The following LRRTM4 variants were observed in gnomAD, a reference collection of about 807,000 sequenced individuals.
LRRTM4 encodes the protein leucine rich repeat transmembrane neuronal 4.
In LRRTM4, 25 loss-of-function variants were observed where a neutral mutation model predicts 47.6. The observed-to-expected ratio is 0.53, with a 90% CI of 0.38 to 0.73. The LOEUF is 0.73. Among genes scored for constraint, LRRTM4 ranks in the 30% least tolerant of loss-of-function variants. The probability of loss-of-function intolerance (pLI) is 0.00; values close to 1 mark genes in which losing one functional copy is unlikely to be tolerated. For synonymous variants in LRRTM4, 311 were observed against 269.5 expected, an observed-to-expected ratio of 1.15 and a Z score of -1.51; for missense variants, 638 against 713.4, an observed-to-expected ratio of 0.89 and a Z score of 1.20.
chr2:77,449,692 G>A (rs949902177), intron 3 of LRRTM4, among the ~76,000 whole-genome samples: 2 of 152,164 alleles, frequency 1.3e-5, no homozygotes, highest in East Asian at 1.9e-4. Flanking sequence ...GTAGCCACTC[G>A]CAGCAACTGT....
intron 3 of LRRTM4, among the ~76,000 whole-genome samples, chr2:76,935,271 G>A (rs1472232160): frequency 6.6e-6 from 1 of 152,158 alleles, no homozygotes; most frequent in Non-Finnish European, 1.5e-5. Context: ...AGTATAGTGT[G>A]AAGTCAGGTA....
At chr2:77,312,669 CAA>C (rs1207673391) in intron 3 of LRRTM4, among the ~76,000 whole-genome samples, 4 of 152,076 alleles carry the variant, frequency 2.6e-5, no homozygotes, top group Admixed American at 1.3e-4. Flanking sequence ...CTTCCATTTT[CAA>C]ATCATGGCTT....
chr2:77,208,978 A>G (rs72809108), intron 3 of LRRTM4, among the ~76,000 whole-genome samples: 30,168 of 151,972 alleles, frequency 0.2, 5,761 homozygotes, highest in African/African-American at 0.49. Context: ...CTTACAATTA[A>G]TTTTACCAGG....
intron 3 of LRRTM4, among the ~76,000 whole-genome samples, chr2:77,165,397 G>A (rs1247080587): frequency 6.6e-6 from 1 of 152,124 alleles, no homozygotes; most frequent in African/African-American, 2.4e-5. Context: ...AGAGGAGCTG[G>A]TGCCACTCCT....
intron 3 of LRRTM4, among the ~76,000 whole-genome samples, chr2:76,809,257 T>G (rs1670655366): frequency 6.6e-6 from 1 of 152,194 alleles, no homozygotes; most frequent in African/African-American, 2.4e-5. Context: ...ACATTTTGTG[T>G]TGTAAGCTTT....
chr2:76,807,696 A>G (rs1176814240), intron 3 of LRRTM4, among the ~76,000 whole-genome samples: 3 of 149,790 alleles, frequency 2.0e-5, no homozygotes, highest in African/African-American at 7.4e-5. Flanking sequence ...GGTTCAAGAG[A>G]TTCTTCTGCC....
intron 3 of LRRTM4, among the ~76,000 whole-genome samples, chr2:76,830,263 A>G (rs1367644721): frequency 1.3e-5 from 2 of 152,166 alleles, no homozygotes; most frequent in African/African-American, 2.4e-5. Context: ...ATAAAACTAT[A>G]AAATCTTATC....
chr2:77,487,647 C>G (rs1388202582), intron 3 of LRRTM4, among the ~76,000 whole-genome samples: 1 of 152,004 alleles, frequency 6.6e-6, no homozygotes, highest in Admixed American at 6.6e-5. Context: ...CAGTGAAGCC[C>G]CACCTTCAGG....
chr2:77,017,597 AG>A, intron 3 of LRRTM4, among the ~76,000 whole-genome samples: 1 of 152,294 alleles, frequency 6.6e-6, no homozygotes, highest in East Asian at 1.9e-4. Flanking sequence ...GTTTCCTACT[AG>A]TAAGGACAGT....
intron 3 of LRRTM4, among the ~76,000 whole-genome samples, chr2:77,446,215 A>G (rs1221897049): frequency 6.6e-6 from 1 of 151,994 alleles, no homozygotes; most frequent in Non-Finnish European, 1.5e-5. Flanking sequence ...ATGTTTCTCC[A>G]TCTTGGCACT....
intron 3 of LRRTM4, among the ~76,000 whole-genome samples, chr2:77,472,487 C>G (rs1677228478): frequency 6.6e-6 from 1 of 151,954 alleles, no homozygotes; most frequent in Admixed American, 6.6e-5. Flanking sequence ...TAGAACATAA[C>G]TACCATGAAT....
At chr2:77,264,638 AT>A (rs1380064830) in intron 3 of LRRTM4, among the ~76,000 whole-genome samples, 1 of 152,132 alleles carries the variant, frequency 6.6e-6, no homozygotes, top group East Asian at 1.9e-4. Flanking sequence ...TGGGAAAAGC[AT>A]TTTATTTTAT....
intron 3 of LRRTM4, among the ~76,000 whole-genome samples, chr2:77,157,541 A>G (rs1672591862): frequency 6.6e-6 from 1 of 152,104 alleles, no homozygotes; most frequent in Admixed American, 6.6e-5. Context: ...TATAAAAGAG[A>G]AACTTTTCTT....
chr2:77,201,711 CCA>C (rs1266216729), intron 3 of LRRTM4, among the ~76,000 whole-genome samples: 5 of 152,052 alleles, frequency 3.3e-5, no homozygotes, highest in African/African-American at 9.7e-5. Context: ...GGGTAACATT[CCA>C]TAGCATTTCT....
chr2:77,449,378 C>G (rs13387293), intron 3 of LRRTM4, among the ~76,000 whole-genome samples: 5 of 151,978 alleles, frequency 3.3e-5, no homozygotes, highest in African/African-American at 9.7e-5. Flanking sequence ...TAAAATGATA[C>G]GAGAATTGTG....
At chr2:77,268,768 G>C (rs965246845) in intron 3 of LRRTM4, among the ~76,000 whole-genome samples, 1 of 151,966 alleles carries the variant, frequency 6.6e-6, no homozygotes, top group East Asian at 1.9e-4. Context: ...TGAATCACTC[G>C]TATCCATAGT....
At chr2:77,431,356 T>C (rs1378656178) in intron 3 of LRRTM4, among the ~76,000 whole-genome samples, 1 of 148,758 alleles carries the variant, frequency 6.7e-6, no homozygotes, top group Non-Finnish European at 1.5e-5. Flanking sequence ...AGGGCACTAA[T>C]CCCATTTATG....
At chr2:77,223,275 A>C (rs943817387) in intron 3 of LRRTM4, among the ~76,000 whole-genome samples, 1 of 152,192 alleles carries the variant, frequency 6.6e-6, no homozygotes, top group African/African-American at 2.4e-5. Context: ...AAAAACTGGA[A>C]GCATTCCCTT....
chr2:77,456,770 T>C (rs959299095), intron 3 of LRRTM4, among the ~76,000 whole-genome samples: 1 of 151,870 alleles, frequency 6.6e-6, no homozygotes, highest in Non-Finnish European at 1.5e-5. Context: ...TGATCTTATC[T>C]TATTCTGTCA....
Sources: gnomAD v4.1 joint callset for allele counts (sites outside exome capture counted in the v4.1 genomes callset) on GRCh38, gnomAD v4.1.1 for gene constraint, MANE v1.5 for transcripts, NCBI Gene and HGNC (gene_info 2026-07-23, HGNC 2026-07-21) for gene names.